The following CNTNAP4 variants were observed in gnomAD, a reference collection of about 807,000 sequenced individuals.
CNTNAP4 encodes contactin-associated protein-like 4.
CNTNAP4 carries 98 observed loss-of-function variants against 148.4 expected under a neutral mutation model. The ratio of observed to expected loss-of-function variants is 0.66; its 90% confidence interval spans 0.56 to 0.78. CNTNAP4 has a LOEUF of 0.78. Ranked by LOEUF, CNTNAP4 falls within the 30% of genes least tolerant of loss-of-function variation. The pLI, the probability that CNTNAP4 is intolerant of heterozygous loss-of-function variation, is 0.00. For synonymous variants in CNTNAP4, 730 were observed against 565.1 expected, an observed-to-expected ratio of 1.29 and a Z score of -4.14; for missense variants, 1,935 against 1,565.6, an observed-to-expected ratio of 1.24 and a Z score of -3.98.
At chr16:76,311,791 A>G (rs1961146987) in intron 1 of CNTNAP4, among the ~76,000 whole-genome samples, 1 of 152,176 alleles carries the variant, frequency 6.6e-6, no homozygotes, top group South Asian at 2.1e-4. Flanking sequence ...AAATTTCACT[A>G]GTGAATGCAG....
At chr16:76,553,254 A>C (rs750854044) in intron 21 of CNTNAP4, 29 bp from the exon 22 acceptor site, 10 of 1,421,758 alleles carry the variant, frequency 7.0e-6, no homozygotes, top group Non-Finnish European at 9.8e-6. Context: ...TTTCACTACT[A>C]ATATTTCGGT....
intron 3 of CNTNAP4, among the ~76,000 whole-genome samples, chr16:76,419,757 T>C (rs1292752725): frequency 6.6e-6 from 1 of 151,974 alleles, no homozygotes; most frequent in Non-Finnish European, 1.5e-5. Context: ...GTTCTTGAGG[T>C]TGAAAAGTCC....
At chr16:76,476,310 TG>T (rs778055492) in intron 11 of CNTNAP4, among the ~76,000 whole-genome samples, 2 of 152,240 alleles carry the variant, frequency 1.3e-5, no homozygotes, top group African/African-American at 2.4e-5. Context: ...TTTGTTATCT[TG>T]TTCTGTTACT....
chr16:76,548,372 T>G (rs1181720091), intron 21 of CNTNAP4, among the ~76,000 whole-genome samples: 5 of 143,254 alleles, frequency 3.5e-5, no homozygotes, highest in Non-Finnish European at 7.6e-5. Flanking sequence ...TTTAAATGAC[T>G]CCTTCTCATA....
At chr16:76,490,620 A>G (rs2082183837) in intron 13 of CNTNAP4, among the ~76,000 whole-genome samples, 1 of 152,162 alleles carries the variant, frequency 6.6e-6, no homozygotes, top group Non-Finnish European at 1.5e-5. Context: ...AAAATCCAAA[A>G]TATTAGTCTC....
chr16:76,309,641 T>C (rs528564605), intron 1 of CNTNAP4, among the ~76,000 whole-genome samples: 1 of 152,338 alleles, frequency 6.6e-6, no homozygotes, highest in East Asian at 1.9e-4. Context: ...TATTTGGGGC[T>C]GATAGGATTT....
chr16:76,307,204 A>G (rs1015752762), intron 1 of CNTNAP4, among the ~76,000 whole-genome samples: 6 of 152,146 alleles, frequency 3.9e-5, no homozygotes, highest in South Asian at 4.1e-4. Context: ...AATTTAAATT[A>G]TGTTTCTAAG....
At chr16:76,401,623 G>A (rs2078421073) in intron 3 of CNTNAP4, among the ~76,000 whole-genome samples, 1 of 152,158 alleles carries the variant, frequency 6.6e-6, no homozygotes, top group Non-Finnish European at 1.5e-5. Context: ...TCTTGTGGTG[G>A]TTTTCAAGGG....
intron 2 of CNTNAP4, among the ~76,000 whole-genome samples, chr16:76,353,214 C>T (rs1246104414): frequency 6.6e-6 from 1 of 152,082 alleles, no homozygotes; most frequent in Admixed American, 6.6e-5. Context: ...AACAATGATT[C>T]ACTTGAAGAA....
At chr16:76,391,335 A>G (rs1384145781) in intron 3 of CNTNAP4, among the ~76,000 whole-genome samples, 1 of 152,218 alleles carries the variant, frequency 6.6e-6, no homozygotes, top group Non-Finnish European at 1.5e-5. Flanking sequence ...TTCTGGGGGA[A>G]AAGTCAACCC....
intron 3 of CNTNAP4, among the ~76,000 whole-genome samples, chr16:76,357,660 C>T (rs1193706614): frequency 6.6e-6 from 1 of 152,178 alleles, no homozygotes. Context: ...TGGCATGTCA[C>T]AGTCAAATAT....
chr16:76,530,623 C>T (rs1307202866), intron 17 of CNTNAP4, among the ~76,000 whole-genome samples: 2 of 152,274 alleles, frequency 1.3e-5, no homozygotes, highest in Admixed American at 6.5e-5. Context: ...GACTGGGGCA[C>T]GTTTTCACCC....
chr16:76,446,364 T>C (rs1015269288), intron 4 of CNTNAP4, among the ~76,000 whole-genome samples: 7 of 152,204 alleles, frequency 4.6e-5, no homozygotes, highest in African/African-American at 9.6e-5. Context: ...ATTACATAAG[T>C]GCACTCTCAA....
At chr16:76,500,817 T>C (rs2082609375) in intron 15 of CNTNAP4, among the ~76,000 whole-genome samples, 1 of 152,022 alleles carries the variant, frequency 6.6e-6, no homozygotes, top group Admixed American at 6.5e-5. Flanking sequence ...GAAATGAGCA[T>C]ATGTATTCAT....
rs2085335665 is a variant in CNTNAP4, at chr16:76,559,506, A to G, written c.*823A>G. 6.6e-6 allele frequency among the ~76,000 whole-genome samples: 1 copy of G among 152,202 alleles called. No homozygotes were observed. The highest frequency in any genetic ancestry group is 1.5e-5 in the Non-Finnish European group (1 of 68,032). On this transcript the variant is annotated 3_prime_UTR_variant, in exon 24 of 24. Coordinates refer to ENST00000611870, the MANE Select transcript of CNTNAP4 (RefSeq NM_033401.5). Reference sequence around the variant, plus strand: ...TCCCAAAGAATGTAAAATGTTTTCAACTAAACTGTTGATATATTAAAAAAA... The same window carrying G: ...TCCCAAAGAATGTAAAATGTTTTCAGCTAAACTGTTGATATATTAAAAAAA...
chr16:76,285,803 C>T (rs1055599855), intron 1 of CNTNAP4, among the ~76,000 whole-genome samples: 7 of 151,838 alleles, frequency 4.6e-5, no homozygotes, highest in Non-Finnish European at 1.0e-4. Context: ...CACGGATAAA[C>T]TCTCCTAGCA....
chr16:76,412,265 A>C (rs1275476344), intron 3 of CNTNAP4, among the ~76,000 whole-genome samples: 1 of 151,436 alleles, frequency 6.6e-6, no homozygotes, highest in African/African-American at 2.4e-5. Context: ...CATATGAATT[A>C]TACTTTGGGT....
chr16:76,497,724 A>C lies in CNTNAP4; in HGVS notation c.2238-843A>C, dbSNP rs2082453508. ...GGGGGGATAGGGGAGGGATAGCATT[A>C]GGAAAAATACCTAATGTAGATGATG... On this transcript the variant is annotated intron_variant, in intron 14 of 23. Coordinates refer to ENST00000611870, the MANE Select transcript of CNTNAP4 (RefSeq NM_033401.5). Among the ~76,000 whole-genome samples, 4 of 152,272 alleles carry C rather than the reference A, an allele frequency of 2.6e-5. No homozygotes were observed. The South Asian group carries it at 8.3e-4, about 32-fold the overall frequency.
chr16:76,369,162 A>G (rs1406472196), intron 3 of CNTNAP4, among the ~76,000 whole-genome samples: 1 of 152,132 alleles, frequency 6.6e-6, no homozygotes, highest in Non-Finnish European at 1.5e-5. Context: ...ACATCCTAAA[A>G]GATTGGAATG....
Sources: allele counts gnomAD v4.1 joint callset (sites outside exome capture counted in the v4.1 genomes callset), GRCh38; gene constraint gnomAD v4.1.1; transcripts MANE v1.5; gene names NCBI Gene and HGNC (gene_info 2026-07-23, HGNC 2026-07-21).